RBMS1: variants seen among roughly 807,000 people sequenced by gnomAD.
RBMS1 encodes the protein RNA-binding motif, single-stranded-interacting protein 1.
In RBMS1, 17 loss-of-function variants were observed where a neutral mutation model predicts 62.3. The ratio of observed to expected loss-of-function variants is 0.27; its 90% CI spans 0.19 to 0.41. The LOEUF (loss-of-function observed/expected upper bound fraction) is 0.41. Among genes scored for constraint, RBMS1 ranks in the 10% least tolerant of loss-of-function variants. The pLI is 1.00. For missense variants in RBMS1, 334 were observed against 504.5 expected, an observed-to-expected ratio of 0.66 and a Z score of 3.24; for synonymous variants, 172 against 170.0, an observed-to-expected ratio of 1.01 and a Z score of -0.09.
At chr2:160,427,840 G>A (rs951892667) in intron 1 of RBMS1, among the ~76,000 whole-genome samples, 1 of 152,102 alleles carries the variant, frequency 6.6e-6, no homozygotes. Flanking sequence ...ATTCTCTTCA[G>A]GAAGTGACTT....
At chr2:160,485,779 A>G (rs1481257739) in intron 1 of RBMS1, among the ~76,000 whole-genome samples, 1 of 152,052 alleles carries the variant, frequency 6.6e-6, no homozygotes. Flanking sequence ...TGAAACCTAA[A>G]AAGAGGCTGA....
intron 6 of RBMS1, among the ~76,000 whole-genome samples, chr2:160,288,457 T>C (rs183238118): frequency 7.2e-5 from 11 of 152,322 alleles, no homozygotes; most frequent in Admixed American, 4.6e-4. Flanking sequence ...AAAGCCCAAC[T>C]GTAACTCCTT....
At chr2:160,424,100 C>T (rs549536306) in intron 1 of RBMS1, among the ~76,000 whole-genome samples, 3 of 151,184 alleles carry the variant, frequency 2.0e-5, no homozygotes, top group Non-Finnish European at 4.4e-5. Context: ...CTCACTGTAA[C>T]CTCCGCCACT....
chr2:160,448,537 C>G (rs951019964), intron 1 of RBMS1, among the ~76,000 whole-genome samples: 1 of 152,264 alleles, frequency 6.6e-6, no homozygotes, highest in Non-Finnish European at 1.5e-5. Flanking sequence ...CGCGAGTAAT[C>G]TGCCTGCCTC....
intron 1 of RBMS1, among the ~76,000 whole-genome samples, chr2:160,463,582 C>T (rs1353214994): frequency 2.6e-5 from 4 of 152,248 alleles, no homozygotes; most frequent in Non-Finnish European, 4.4e-5. Flanking sequence ...GTCAGGAGTT[C>T]GAGACCAGCC....
At chr2:160,440,282 T>C (rs962483256) in intron 1 of RBMS1, among the ~76,000 whole-genome samples, 5 of 151,990 alleles carry the variant, frequency 3.3e-5, no homozygotes, top group Admixed American at 3.3e-4. Context: ...ATGAACTTCA[T>C]CTCCTATCTG....
At chr2:160,438,928 C>A (rs552667734) in intron 1 of RBMS1, among the ~76,000 whole-genome samples, 1 of 148,718 alleles carries the variant, frequency 6.7e-6, no homozygotes, top group Admixed American at 6.6e-5. Context: ...GGCGGCTGGC[C>A]GGGCAGAGGG....
intron 1 of RBMS1, among the ~76,000 whole-genome samples, chr2:160,481,615 TAA>T (rs1685375000): frequency 6.6e-6 from 1 of 152,094 alleles, no homozygotes; most frequent in Non-Finnish European, 1.5e-5. Flanking sequence ...CAACCCAATT[TAA>T]AAAGTGAACA....
At chr2:160,311,234 A>ATCTATCTATC (rs781541742) in intron 4 of RBMS1, among the ~76,000 whole-genome samples, 52 of 107,422 alleles carry the variant, frequency 4.8e-4, no homozygotes, top group South Asian at 2.6e-3. Flanking sequence ...CTATCTATCT[A>ATCTATCTATC]TATATATATA....
chr2:160,432,550 A>T (rs1682942750), intron 1 of RBMS1: 1 of 152,216 alleles, frequency 6.6e-6, no homozygotes, highest in Non-Finnish European at 1.5e-5. Context: ...TGACATTTTG[A>T]CAATAAACTA....
At chr2:160,438,175 A>G (rs1683193199) in intron 1 of RBMS1, among the ~76,000 whole-genome samples, 1 of 152,146 alleles carries the variant, frequency 6.6e-6, no homozygotes, top group Non-Finnish European at 1.5e-5. Context: ...CGAGATCATT[A>G]TAGCAGACTC....
intron 3 of RBMS1, among the ~76,000 whole-genome samples, chr2:160,314,088 GTA>G (rs1443689749): frequency 2.0e-5 from 3 of 152,132 alleles, no homozygotes; most frequent in African/African-American, 7.2e-5. Flanking sequence ...TACAAAGTAA[GTA>G]TATGAATGGC....
intron 1 of RBMS1, among the ~76,000 whole-genome samples, chr2:160,470,815 G>C (rs1486027034): frequency 6.6e-6 from 1 of 151,980 alleles, no homozygotes. Context: ...AAGAATATCT[G>C]TGCAATGAAT....
rs1220026616 is a variant in RBMS1 at position 160,274,096 on chromosome 2, C to G, written c.*676G>C. 6.6e-6 allele frequency: 1 copy of G among 152,606 alleles called. No homozygotes were observed. The highest frequency in any genetic ancestry group is 2.4e-5 in the African/African-American group (1 of 41,440). 9.5% of individuals were successfully genotyped at this position (152,606 alleles called of 1,614,324 possible). The stretch of plus-strand genomic sequence containing the variant: ...GGCATAATAGACCAGCTCATTTGGT[C>G]AAAGCATTCTACATCATTAGTTTGA... On this transcript the variant is annotated 3_prime_UTR_variant, in exon 14 of 14. Transcript: ENST00000348849.
chr2:160,336,917 G>A (rs1342593770), intron 2 of RBMS1, among the ~76,000 whole-genome samples: 1 of 152,110 alleles, frequency 6.6e-6, no homozygotes, highest in African/African-American at 2.4e-5. Flanking sequence ...GGCTAACACA[G>A]TTGCAGACTC....
At chr2:160,278,901 G>T in intron 10 of RBMS1, 1 of 378,948 alleles carries the variant, frequency 2.6e-6, no homozygotes, top group Non-Finnish European at 4.8e-6. Context: ...AACAATCCCT[G>T]TATTAAAGCC....
intron 1 of RBMS1, among the ~76,000 whole-genome samples, chr2:160,475,576 A>T (rs1685090016): frequency 6.6e-6 from 1 of 152,190 alleles, no homozygotes; most frequent in South Asian, 2.1e-4. Context: ...TGTCTCTTTT[A>T]GGTTTCCCTA....
intron 1 of RBMS1, among the ~76,000 whole-genome samples, chr2:160,398,231 A>AT (rs1215530218): frequency 6.6e-6 from 1 of 152,192 alleles, no homozygotes; most frequent in African/African-American, 2.4e-5. Flanking sequence ...ACTCACCACT[A>AT]TATCTGCCCA....
chr2:160,325,662 T>C (rs1015371621), intron 2 of RBMS1, among the ~76,000 whole-genome samples: 5 of 152,190 alleles, frequency 3.3e-5, no homozygotes, highest in African/African-American at 1.2e-4. Flanking sequence ...ACACAAAGTA[T>C]ACATTACGTC....
Sources: allele counts gnomAD v4.1 joint callset (sites outside exome capture counted in the v4.1 genomes callset), GRCh38; gene constraint gnomAD v4.1.1; transcripts MANE v1.5; gene names NCBI Gene and HGNC (gene_info 2026-07-23, HGNC 2026-07-21).